Variants in POLQ observed in about 807,000 individuals in gnomAD.
POLQ encodes the protein epididymis secretory sperm binding protein.
In POLQ, 233 loss-of-function variants were observed where a neutral mutation model predicts 259.2. The observed-to-expected ratio is 0.90, with a 90% CI of 0.81 to 1.00. The LOEUF is 1.00. POLQ is among the 50% of genes least tolerant of loss of function. POLQ has a pLI of 0.00. For synonymous variants in POLQ, 1,025 were observed against 1,048.8 expected, an observed-to-expected ratio of 0.98 and a Z score of 0.44; for missense variants, 2,871 against 3,051.6, an observed-to-expected ratio of 0.94 and a Z score of 1.39.
chr3:121,497,255 T>A (rs182912734), intron 13 of POLQ, among the ~76,000 whole-genome samples: 1 of 152,302 alleles, frequency 6.6e-6, no homozygotes, highest in Admixed American at 6.5e-5. Context: ...TAACTTGATA[T>A]ACAGCTACAT....
At chr3:121,544,185 C>T (rs946839024) in intron 2 of POLQ, among the ~76,000 whole-genome samples, 2 of 151,764 alleles carry the variant, frequency 1.3e-5, no homozygotes, top group Non-Finnish European at 2.9e-5. Flanking sequence ...AATCCCATCT[C>T]TACTAAAAAT....
chr3:121,447,066 T>TA (rs984133174), intron 26 of POLQ, among the ~76,000 whole-genome samples: 2 of 151,798 alleles, frequency 1.3e-5, no homozygotes, highest in African/African-American at 4.8e-5. Context: ...AAGGTGATTT[T>TA]TTCTGGTGGT....
chr3:121,486,893 CAGAGAGAGAGAGAG>C lies in POLQ; in HGVS notation c.5629+395_5629+408del, dbSNP rs3045624. On this transcript the variant is annotated intron_variant, in intron 16 of 29. Coordinates refer to ENST00000264233, the MANE Select transcript of POLQ (RefSeq NM_199420.4). ...GAGGAAAGAAAGAAAGAAAGAGAGA[CAGAGAGAGAGAGAG>C]AGAGAGAGAGAGAGAAAGAAAAGAA... is the stretch of plus-strand genomic sequence containing the variant. Among the ~76,000 whole-genome samples, 8 of 140,484 alleles carry C rather than the reference CAGAGAGAGAGAGAG, an allele frequency of 5.7e-5. No homozygotes were observed. The South Asian group carries it at 1.1e-3, about 20-fold the overall frequency. The allele number at this position is 140,484 out of a possible 152,430, so 92.2% of individuals were successfully genotyped here. A position where few individuals can be genotyped will look rare whatever the true frequency, so the allele number is the denominator to read the frequency against.
chr3:121,514,719 T>C (rs2048282942), intron 9 of POLQ, among the ~76,000 whole-genome samples: 1 of 152,080 alleles, frequency 6.6e-6, no homozygotes, highest in South Asian at 2.1e-4. Context: ...GCAACCAGCA[T>C]GCAGATCTTG....
chr3:121,524,466 G>A (rs1177610857), intron 7 of POLQ, among the ~76,000 whole-genome samples: 1 of 152,008 alleles, frequency 6.6e-6, no homozygotes, highest in African/African-American at 2.4e-5. Context: ...AGGCAACAGT[G>A]TTCACTCTAG....
intron 16 of POLQ, among the ~76,000 whole-genome samples, chr3:121,486,893 CAGAGAGAGAG>C (rs3045624): frequency 1.5e-3 from 208 of 140,482 alleles, no homozygotes; most frequent in Admixed American, 2.4e-3. Flanking sequence ...GAAAGAGAGA[CAGAGAGAGAG>C]AGAGAGAGAG....
At chr3:121,509,999 A>T in intron 11 of POLQ, 40 bp downstream of exon 11, 1 of 1,477,868 alleles carries the variant, frequency 6.8e-7, no homozygotes, top group Non-Finnish European at 9.5e-7. Context: ...TCACTAAAGA[A>T]GAAAAAGTGA....
chr3:121,527,417 G>A (rs2048381228), intron 7 of POLQ, among the ~76,000 whole-genome samples: 1 of 152,010 alleles, frequency 6.6e-6, no homozygotes, highest in Non-Finnish European at 1.5e-5. Flanking sequence ...TGCTGGTCTC[G>A]AACTCCTGGA....
intron 19 of POLQ, among the ~76,000 whole-genome samples, chr3:121,477,469 C>CA (rs2047936114): frequency 6.6e-6 from 1 of 151,940 alleles, no homozygotes; most frequent in Admixed American, 6.6e-5. Flanking sequence ...TTCCAAAATC[C>CA]AAAAAAATCT....
chr3:121,437,494 G>A (rs1044788293), intron 27 of POLQ, among the ~76,000 whole-genome samples: 4 of 152,144 alleles, frequency 2.6e-5, no homozygotes, highest in African/African-American at 9.7e-5. Context: ...TAAAATTACA[G>A]GATACTACTT....
At chr3:121,476,766 C>A (rs781442549) in intron 19 of POLQ, 33 bp from the exon 20 acceptor site, 6 of 1,476,678 alleles carry the variant, frequency 4.1e-6, no homozygotes, top group South Asian at 1.2e-5. Flanking sequence ...AACGTTAATT[C>A]ATTGGCTAAG....
Position 121,485,097 on chromosome 3 carries a change from C to T in POLQ, c.5717G>A (p.Cys1906Tyr), listed in dbSNP as rs758624868. ...DDTLVVGLAV[C>Y]WGGRDAYYFS... ...ATAATAGGCATCCCTTCCACCCCAG[C>T]ATACTGCCAGTCCAACCACCAAGGT... The change falls in exon 17 of 30, where the codon TGC becomes TAC. Residue 1906 changes from cysteine (C) to tyrosine (Y), a missense_variant. Around this residue, in one of 3 missense-constraint regions of POLQ, gnomAD observed 2,080 missense variants for 2,126.0 expected, o/e 0.98. Coordinates refer to ENST00000264233, the MANE Select transcript of POLQ (RefSeq NM_199420.4). The T allele has an allele frequency of 9.9e-6, 16 of 1,612,958 alleles. No homozygotes were observed. Among genetic ancestry groups the T allele is most frequent in the Non-Finnish European group, 1.4e-5 (16 of 1,179,320 alleles).
At position 121,533,039 on chromosome 3, in the gene POLQ, T is replaced by C. The variant is rs1273692270; in HGVS notation, c.911A>G (p.Asp304Gly). 1.2e-6 allele frequency: 2 copies of C among 1,613,770 alleles called. No homozygotes were observed. Among genetic ancestry groups the C allele is most frequent in the Non-Finnish European group, 1.7e-6 (2 of 1,179,822 alleles). The change falls in exon 6 of 30, where the codon GAC becomes GGC. Residue 304 changes from aspartate to glycine, a missense_variant. Asp to Gly is a moderately conservative substitution (Grantham distance 94). Around this residue, in one of 3 missense-constraint regions of POLQ, gnomAD observed 783 missense variants for 906.2 expected, o/e 0.86. Coordinates refer to ENST00000264233, the MANE Select transcript of POLQ (RefSeq NM_199420.4). Reference protein sequence around the residue: ...ESVKVGNSIYDSSMKLVREFE... With the variant: ...ESVKVGNSIYGSSMKLVREFE... ...TTCCCTCACAAGTTTCATTGAAGAG[T>C]CATATATGGAATTTCCAACTTTTAC...
chr3:121,523,556 T>C (rs1017331281), intron 7 of POLQ, among the ~76,000 whole-genome samples: 1 of 151,106 alleles, frequency 6.6e-6, no homozygotes, highest in Non-Finnish European at 1.5e-5. Context: ...TAAAAAAAAA[T>C]ACAAAAAAAT....
At chr3:121,445,576 T>C (rs2047626204) in intron 26 of POLQ, among the ~76,000 whole-genome samples, 1 of 152,126 alleles carries the variant, frequency 6.6e-6, no homozygotes, top group Admixed American at 6.6e-5. Flanking sequence ...ACCAACTTAT[T>C]TTCAGGCCAG....
Position 121,436,186 on chromosome 3 carries a change from C to T in POLQ, c.7479G>A (p.Glu2493=). Residue 2493 remains glutamate, a synonymous_variant, in exon 28 of 30, where the codon GAG becomes GAA. Transcript: ENST00000264233. ...IATVNIQKQL[E]TFHSTFKSHG... ...GGGATTTGAAGGTTGAGTGGAAGGT[C>T]TCTAATTGCTTCTGAATGTTAACTG... is the stretch of plus-strand genomic sequence containing the variant. 1 of 1,613,766 alleles carries T rather than the reference C, an allele frequency of 6.2e-7. No homozygotes were observed. Among genetic ancestry groups the T allele is most frequent in the East Asian group, 2.2e-5 (1 of 44,880 alleles).
At chr3:121,470,966 T>C (rs894878841) in intron 22 of POLQ, among the ~76,000 whole-genome samples, 2 of 152,154 alleles carry the variant, frequency 1.3e-5, no homozygotes, top group South Asian at 2.1e-4. Context: ...AAAAAAAATG[T>C]AGGCATTGAG....
At chr3:121,538,989 G>A (rs1254621502) in intron 4 of POLQ, among the ~76,000 whole-genome samples, 5 of 152,126 alleles carry the variant, frequency 3.3e-5, no homozygotes, top group South Asian at 2.1e-4. Flanking sequence ...CTCAAATAGA[G>A]TGTCAGTTTC....
At chr3:121,539,674 TA>T in intron 3 of POLQ, 85 bp from the exon 4 acceptor site, 1 of 979,838 alleles carries the variant, frequency 1.0e-6, no homozygotes, top group Non-Finnish European at 1.6e-6. Context: ...AACATAGACA[TA>T]AGTATCTAAA....
Sources: allele counts gnomAD v4.1 joint callset (sites outside exome capture counted in the v4.1 genomes callset), GRCh38; gene constraint gnomAD v4.1.1; regional missense constraint gnomAD v4.1.1; transcripts MANE v1.5; gene names NCBI Gene and HGNC (gene_info 2026-07-23, HGNC 2026-07-21).